SRGAP3: variants seen among roughly 807,000 people sequenced by gnomAD.
SRGAP3 encodes SLIT-ROBO Rho GTPase-activating protein 3.
SRGAP3 carries 39 observed loss-of-function variants against 121.1 expected under a neutral mutation model. The observed-to-expected ratio is 0.32, with a 90% CI of 0.25 to 0.42. The LOEUF is 0.42. SRGAP3 is among the 10% of genes least tolerant of loss of function. The pLI, the probability that SRGAP3 is intolerant of heterozygous loss-of-function variation, is 1.00. For missense variants in SRGAP3, 1,213 were observed against 1,470.6 expected, an observed-to-expected ratio of 0.82 and a Z score of 2.86; for synonymous variants, 601 against 570.0, an observed-to-expected ratio of 1.05 and a Z score of -0.77.
chr3:9,034,977 G>A (rs1386265444), intron 11 of SRGAP3: 2 of 152,176 alleles, frequency 1.3e-5, no homozygotes, highest in Non-Finnish European at 2.9e-5. Flanking sequence ...ACAACCCTGT[G>A]AGGCTGGGAA....
At chr3:9,143,794 A>G (rs1466697400) in intron 1 of SRGAP3, among the ~76,000 whole-genome samples, 1 of 152,044 alleles carries the variant, frequency 6.6e-6, no homozygotes, top group African/African-American at 2.4e-5. Context: ...CCACTGCCCC[A>G]GTTTTCCCTG....
intron 3 of SRGAP3, among the ~76,000 whole-genome samples, chr3:9,299,231 C>T (rs983561066): frequency 6.6e-6 from 1 of 150,510 alleles, no homozygotes; most frequent in African/African-American, 2.4e-5. Flanking sequence ...CATGCTGGTG[C>T]ATGCCTGTAG....
intron 1 of SRGAP3, among the ~76,000 whole-genome samples, chr3:9,223,624 G>A (rs771771807): frequency 5.9e-5 from 9 of 152,170 alleles, no homozygotes; most frequent in Non-Finnish European, 8.8e-5. Flanking sequence ...GAGATCAAAT[G>A]CAATGCAACA....
At chr3:9,235,179 C>T (rs1465607037) in intron 1 of SRGAP3, among the ~76,000 whole-genome samples, 1 of 152,184 alleles carries the variant, frequency 6.6e-6, no homozygotes, top group African/African-American at 2.4e-5. Flanking sequence ...TCTTACTTGA[C>T]AAACTGTTTA....
chr3:9,062,035 C>A (rs1221651634), intron 5 of SRGAP3, among the ~76,000 whole-genome samples: 1 of 152,096 alleles, frequency 6.6e-6, no homozygotes, highest in African/African-American at 2.4e-5. Context: ...AGATCTCTAA[C>A]TTTTCCCCAG....
chr3:9,258,790 G>A (rs902633232), intron 3 of SRGAP3, among the ~76,000 whole-genome samples: 2 of 152,096 alleles, frequency 1.3e-5, no homozygotes, highest in African/African-American at 2.4e-5. Flanking sequence ...TGATCCCAAG[G>A]CCTCAATTTC....
intron 3 of SRGAP3, among the ~76,000 whole-genome samples, chr3:9,263,081 C>A (rs565387572): frequency 6.6e-6 from 1 of 152,306 alleles, no homozygotes; most frequent in African/African-American, 2.4e-5. Context: ...AACCACACAA[C>A]TACATGGAAA....
intron 1 of SRGAP3, among the ~76,000 whole-genome samples, chr3:9,191,200 G>A (rs1244341826): frequency 6.6e-6 from 1 of 152,152 alleles, no homozygotes; most frequent in East Asian, 1.9e-4. Flanking sequence ...CAGCCCTGTG[G>A]AGGCAAGCCC....
chr3:9,093,255 A>T (rs1454903914), intron 3 of SRGAP3, among the ~76,000 whole-genome samples: 1 of 152,200 alleles, frequency 6.6e-6, no homozygotes, highest in Non-Finnish European at 1.5e-5. Context: ...GTCATTTTAT[A>T]ACCTGATCTT....
intron 1 of SRGAP3, among the ~76,000 whole-genome samples, chr3:9,354,159 G>A (rs901345901): frequency 1.3e-5 from 2 of 152,162 alleles, no homozygotes; most frequent in African/African-American, 4.8e-5. Flanking sequence ...AATGTTAATA[G>A]GCTAAACTTC....
At chr3:9,127,941 A>AGGAGG (rs1166027672) in intron 1 of SRGAP3, among the ~76,000 whole-genome samples, 4 of 141,538 alleles carry the variant, frequency 2.8e-5, no homozygotes, top group East Asian at 2.4e-4. Flanking sequence ...GTGAGGAGAG[A>AGGAGG]GGAGGGGAGG....
At chr3:9,308,063 G>A (rs945905455) in intron 3 of SRGAP3, among the ~76,000 whole-genome samples, 1 of 152,222 alleles carries the variant, frequency 6.6e-6, no homozygotes, top group Non-Finnish European at 1.5e-5. Flanking sequence ...GCTGAGGCAG[G>A]AGAATCACTT....
chr3:9,200,076 T>C (rs890408743), intron 1 of SRGAP3, among the ~76,000 whole-genome samples: 2 of 152,178 alleles, frequency 1.3e-5, no homozygotes, highest in Non-Finnish European at 2.9e-5. Flanking sequence ...GCTGACAATA[T>C]GGTGGCTGTA....
intron 1 of SRGAP3, among the ~76,000 whole-genome samples, chr3:9,350,424 A>C (rs941841830): frequency 2.6e-5 from 4 of 152,196 alleles, no homozygotes; most frequent in Non-Finnish European, 2.9e-5. Context: ...GGGGAATGCA[A>C]AGGAGAAGAA....
intron 2 of SRGAP3, among the ~76,000 whole-genome samples, chr3:9,113,459 T>C (rs1299834737): frequency 6.6e-6 from 1 of 152,184 alleles, no homozygotes; most frequent in Non-Finnish European, 1.5e-5. Flanking sequence ...ACACCAGTCA[T>C]GTCGGATTAG....
At chr3:9,269,930 G>A (rs1954440756) in intron 3 of SRGAP3, among the ~76,000 whole-genome samples, 1 of 152,120 alleles carries the variant, frequency 6.6e-6, no homozygotes. Context: ...AAGGAGGAAG[G>A]GAGGGAGGGA....
chr3:9,218,342 G>C lies in SRGAP3; in HGVS notation c.67+30543C>G, dbSNP rs1355308096. 2 of 152,300 alleles carry C rather than the reference G, an allele frequency of 1.3e-5. No individual in the cohort carries two copies. The highest frequency in any genetic ancestry group is 2.1e-4 in the South Asian group (1 of 4,828). 9.4% of individuals were successfully genotyped at this position (152,300 alleles called of 1,614,324 possible). A position where few individuals can be genotyped will look rare whatever the true frequency, so the allele number is the denominator to read the frequency against. ...GAAGTGTGGCCAGAAAAAGAGACCA[G>C]AGAATGAGGGAATAAGTCACCTAAA... On this transcript the variant is annotated intron_variant, in intron 1 of 21. Coordinates refer to ENST00000383836, the MANE Select transcript of SRGAP3 (RefSeq NM_014850.4). This position sits in a 1 kb window ranked among gnomAD's most constrained non-coding sequence, Gnocchi z 5.3.
chr3:9,256,824 T>G, intron 3 of SRGAP3: 1 of 398,438 alleles, frequency 2.5e-6, no homozygotes, highest in Non-Finnish European at 4.4e-6. Flanking sequence ...AGAGTCTAAG[T>G]CGGTGATGGA....
At chr3:9,102,584 C>T (rs1560152298) in intron 3 of SRGAP3, among the ~76,000 whole-genome samples, 1 of 152,228 alleles carries the variant, frequency 6.6e-6, no homozygotes, top group Non-Finnish European at 1.5e-5. Context: ...TTAGGTGTAA[C>T]TGATGCAACA....
Sources: allele counts gnomAD v4.1 joint callset (sites outside exome capture counted in the v4.1 genomes callset), GRCh38; gene constraint gnomAD v4.1.1; non-coding constraint Gnocchi (gnomAD v3.1); transcripts MANE v1.5; gene names NCBI Gene and HGNC (gene_info 2026-07-23, HGNC 2026-07-21).